CD36: variants seen among roughly 807,000 people sequenced by gnomAD.
CD36 encodes platelet glycoprotein 4.
A neutral mutation model predicts 55.2 loss-of-function variants in CD36; 119 were observed. The ratio of observed to expected loss-of-function variants is 2.15; its 90% confidence interval spans 1.86 to 2.51. The LOEUF is 2.51. CD36 is among the 30% of genes most tolerant of loss of function. The pLI is 0.00. For missense variants in CD36, 819 were observed against 555.5 expected (o/e 1.47, Z -4.77); for synonymous variants, 186 against 193.6 (o/e 0.96, Z 0.33).
intron 1 of CD36, among the ~76,000 whole-genome samples, chr7:80,606,918 A>G (rs1186939343): frequency 6.6e-6 from 1 of 152,076 alleles, no homozygotes; most frequent in African/African-American, 2.4e-5. Flanking sequence ...AGCTGCTTGA[A>G]TGTTCCTTCC....
chr7:80,672,739 G>T, intron 11 of CD36, 31 bp from the exon 12 acceptor site: 1 of 1,447,224 alleles, frequency 6.9e-7, no homozygotes, highest in Non-Finnish European at 9.7e-7. Context: ...GTTTTTAAAA[G>T]TTGGTAATTA....
chr7:80,650,151 A>T (rs772327237), intron 3 of CD36, among the ~76,000 whole-genome samples: 1 of 151,924 alleles, frequency 6.6e-6, no homozygotes, highest in Non-Finnish European at 1.5e-5. Context: ...TACAACAGAG[A>T]CTCATAAAAA....
chr7:80,656,768 T>G, intron 4 of CD36, 68 bp downstream of exon 4: 1 of 1,371,238 alleles, frequency 7.3e-7, no homozygotes, highest in Admixed American at 1.7e-5. Flanking sequence ...GTCTTCTACT[T>G]GGCAAATGTC....
chr7:80,654,305 A>G (rs3211852), intron 3 of CD36, among the ~76,000 whole-genome samples: 151,359 of 152,252 alleles, frequency 0.99, 75,240 homozygotes, highest in East Asian at 1. Flanking sequence ...TTAGGTCGGT[A>G]CAAAAGTAAT....
At chr7:80,633,840 G>A (rs58408258), upstream of CD36, among the ~76,000 whole-genome samples, 20,618 of 151,880 alleles carry the variant, frequency 0.14, 2,025 homozygotes, top group East Asian at 0.34. Context: ...GGTAACTAAT[G>A]TTATGAGATA....
intron 4 of CD36, among the ~76,000 whole-genome samples, chr7:80,657,040 C>A (rs1432926692): frequency 6.6e-6 from 1 of 152,080 alleles, no homozygotes; most frequent in Non-Finnish European, 1.5e-5. Context: ...ATATTCTCAA[C>A]AACTCTGAAA....
At chr7:80,651,319 G>A (rs552195397) in intron 3 of CD36, among the ~76,000 whole-genome samples, 20 of 151,956 alleles carry the variant, frequency 1.3e-4, no homozygotes, top group South Asian at 1.2e-3. Flanking sequence ...GAAATAATCC[G>A]TACACCAAAC....
intron 4 of CD36, among the ~76,000 whole-genome samples, chr7:80,659,501 A>G (rs1003388132): frequency 3.9e-5 from 6 of 152,180 alleles, no homozygotes; most frequent in African/African-American, 1.4e-4. Flanking sequence ...AGTAATCTTG[A>G]GAAAAGCATA....
intron 1 of CD36, among the ~76,000 whole-genome samples, chr7:80,645,675 TAG>T (rs1795115790): frequency 6.6e-6 from 1 of 152,038 alleles, no homozygotes; most frequent in African/African-American, 2.4e-5. Flanking sequence ...CACCAAACAT[TAG>T]ATTGACAAAT....
chr7:80,672,626 C>G (rs563193118), intron 11 of CD36, 144 bp from the exon 12 acceptor site: 1 of 638,560 alleles, frequency 1.6e-6, no homozygotes, highest in East Asian at 2.8e-5. Context: ...ATAACTATAA[C>G]TATATATGCA....
chr7:80,624,353 G>A (rs1793635076), intron 1 of CD36, among the ~76,000 whole-genome samples: 1 of 152,066 alleles, frequency 6.6e-6, no homozygotes, highest in African/African-American at 2.4e-5. Context: ...TCAGGGCGTA[G>A]AATTTATGGA....
chr7:80,642,666 A>G (rs1794900580), intron 1 of CD36, among the ~76,000 whole-genome samples: 1 of 152,168 alleles, frequency 6.6e-6, no homozygotes, highest in Non-Finnish European at 1.5e-5. Context: ...AATGAACCCA[A>G]CTAGTGTCAC....
rs371777409 is a variant in CD36, at chr7:80,631,132, T to A, written c.-183-14956T>A. 5.2e-4 allele frequency among the ~76,000 whole-genome samples: 79 copies of A among 152,098 alleles called. 3 individuals are homozygous for A. In the South Asian group the frequency reaches 0.015, roughly 30 times the overall value. ...CTAGTGGTGTCTTTTGAGAGTGACATTCTGTAGCAATTAAGATTCCATACC... is the reference window on the plus strand; with the variant it reads ...CTAGTGGTGTCTTTTGAGAGTGACAATCTGTAGCAATTAAGATTCCATACC... On this transcript the variant is annotated intron_variant, in intron 1 of 13. Transcript: ENST00000309881.
intron 1 of CD36, among the ~76,000 whole-genome samples, chr7:80,644,004 A>G (rs1324718668): frequency 6.6e-6 from 1 of 152,218 alleles, no homozygotes; most frequent in Non-Finnish European, 1.5e-5. Context: ...TTCACAACAT[A>G]CAGAACACCA....
At chr7:80,628,126 C>T (rs1216583391) in intron 1 of CD36, among the ~76,000 whole-genome samples, 2 of 151,984 alleles carry the variant, frequency 1.3e-5, no homozygotes, top group African/African-American at 4.8e-5. Flanking sequence ...TACTTCCTCT[C>T]CTACAAAAGT....
intron 11 of CD36, 90 bp downstream of exon 11, chr7:80,672,130 A>G (rs1797744117): frequency 1.9e-6 from 2 of 1,035,378 alleles, no homozygotes; most frequent in African/African-American, 1.6e-5. Flanking sequence ...TATTTATTCA[A>G]TAAATAATCA....
chr7:80,652,650 A>G (rs1795718338), intron 3 of CD36, among the ~76,000 whole-genome samples: 1 of 152,208 alleles, frequency 6.6e-6, no homozygotes, highest in African/African-American at 2.4e-5. Flanking sequence ...CTTTACTAGA[A>G]AGAGAAATAT....
At chr7:80,657,115 G>T (rs1220864301) in intron 4 of CD36, among the ~76,000 whole-genome samples, 2 of 152,058 alleles carry the variant, frequency 1.3e-5, no homozygotes. Context: ...TTTTAACAGT[G>T]GTTCTCAAAG....
chr7:80,622,450 T>C (rs1264722710), intron 1 of CD36, among the ~76,000 whole-genome samples: 1 of 152,104 alleles, frequency 6.6e-6, no homozygotes, highest in Non-Finnish European at 1.5e-5. Context: ...AGCAATACTG[T>C]CTCAAACATT....
Sources: gnomAD v4.1 joint callset for allele counts (sites outside exome capture counted in the v4.1 genomes callset) on GRCh38, gnomAD v4.1.1 for gene constraint, MANE v1.5 for transcripts, NCBI Gene and HGNC (gene_info 2026-07-23, HGNC 2026-07-21) for gene names.